The following GABRR2 variants were observed in gnomAD, a reference collection of about 807,000 sequenced individuals.
The protein encoded by GABRR2 is gamma-aminobutyric acid type A receptor subunit rho2.
A neutral mutation model predicts 47.0 loss-of-function variants in GABRR2; 36 were observed. The observed-to-expected ratio is 0.77, with a 90% CI of 0.59 to 1.01. The LOEUF (loss-of-function observed/expected upper bound fraction) is 1.01. Ranked by LOEUF, GABRR2 falls within the 50% of genes least tolerant of loss-of-function variation. The probability of loss-of-function intolerance (pLI) is 0.00; values close to 1 mark genes in which losing one functional copy is unlikely to be tolerated. For synonymous variants in GABRR2, 204 were observed against 227.5 expected (o/e 0.90, Z 0.93); for missense variants, 587 against 594.6 (o/e 0.99, Z 0.13).
At chr6:89,296,490 A>G (rs1302029395) in intron 2 of GABRR2, among the ~76,000 whole-genome samples, 1 of 152,328 alleles carries the variant, frequency 6.6e-6, no homozygotes, top group African/African-American at 2.4e-5. Context: ...GGAGGCTTGG[A>G]AGGAAGGAGG....
chr6:89,289,318 C>T (rs1774395252), intron 2 of GABRR2, among the ~76,000 whole-genome samples: 1 of 152,220 alleles, frequency 6.6e-6, no homozygotes, highest in East Asian at 1.9e-4. Context: ...ACAAGGGAAG[C>T]CTTGAAGCTT....
intron 2 of GABRR2, among the ~76,000 whole-genome samples, chr6:89,280,968 ATGAAT>A (rs1158754476): frequency 6.6e-6 from 1 of 152,272 alleles, no homozygotes. Flanking sequence ...AACTTGTGAA[ATGAAT>A]TGAAGCAAAA....
At chr6:89,281,244 G>A (rs542376380) in intron 2 of GABRR2, among the ~76,000 whole-genome samples, 4 of 152,180 alleles carry the variant, frequency 2.6e-5, no homozygotes, top group African/African-American at 4.8e-5. Context: ...CTTAAAATCC[G>A]TGGAGAGGAG....
intron 2 of GABRR2, 68 bp downstream of exon 2, chr6:89,299,691 C>A: frequency 9.7e-7 from 1 of 1,027,896 alleles, no homozygotes; most frequent in Non-Finnish European, 1.5e-6. Context: ...CAGAGGGAGC[C>A]AGAGAGGGCA....
intron 8 of GABRR2, among the ~76,000 whole-genome samples, chr6:89,263,150 G>A (rs776554594): frequency 2.0e-5 from 3 of 152,012 alleles, no homozygotes; most frequent in African/African-American, 2.4e-5. Flanking sequence ...CTTCTCTTTC[G>A]TCCTCCTCCT....
chr6:89,264,642 G>T lies in GABRR2; in HGVS notation c.890-34C>A, dbSNP rs2127828334. On this transcript the variant is annotated intron_variant, in intron 7 of 8. Coordinates refer to ENST00000402938, the MANE Select transcript of GABRR2 (RefSeq NM_002043.5). ...CCCGGCCTTAGTTGGGCTGCTGACA[G>T]CGGTCTAGAACTGCCCTCATATCTC... is the stretch of plus-strand genomic sequence containing the variant. 3 of 1,611,200 alleles carry T rather than the reference G, an allele frequency of 1.9e-6. No individual in the cohort carries two copies. The East Asian group carries it at 6.7e-5, about 36-fold the overall frequency.
chr6:89,306,819 G>A (rs1471456710), intron 1 of GABRR2, among the ~76,000 whole-genome samples: 1 of 151,820 alleles, frequency 6.6e-6, no homozygotes. Flanking sequence ...GAAGGAAAGA[G>A]AAAAAAAGAA....
chr6:89,291,071 C>G (rs1026800327), intron 2 of GABRR2, among the ~76,000 whole-genome samples: 1 of 152,150 alleles, frequency 6.6e-6, no homozygotes, highest in African/African-American at 2.4e-5. Context: ...TTCCTCATTG[C>G]TTTTTCTCAG....
At chr6:89,314,106 A>C (rs966641558) in intron 1 of GABRR2, among the ~76,000 whole-genome samples, 1 of 151,734 alleles carries the variant, frequency 6.6e-6, no homozygotes, top group African/African-American at 2.4e-5. Flanking sequence ...ATTTGTAAGT[A>C]AATATGCATG....
chr6:89,310,602 A>G (rs533747896), intron 1 of GABRR2, among the ~76,000 whole-genome samples: 3 of 152,124 alleles, frequency 2.0e-5, no homozygotes, highest in Non-Finnish European at 4.4e-5. Context: ...CAACCTTTAT[A>G]TCTGATTCCT....
chr6:89,276,040 A>G (rs1016930015), intron 2 of GABRR2, among the ~76,000 whole-genome samples: 1 of 148,444 alleles, frequency 6.7e-6, no homozygotes, highest in African/African-American at 2.4e-5. Flanking sequence ...TTCTATTAAA[A>G]TATTATAAAT....
intron 1 of GABRR2, chr6:89,302,259 A>G (rs895002922): frequency 4.6e-5 from 26 of 569,140 alleles, no homozygotes; most frequent in Middle Eastern, 3.3e-4. Flanking sequence ...GAGTATCCCA[A>G]CTGCATCATG....
At chr6:89,299,651 A>G (rs1369189907) in intron 2 of GABRR2, 108 bp downstream of exon 2, 1 of 706,384 alleles carries the variant, frequency 1.4e-6, no homozygotes, top group Non-Finnish European at 2.5e-6. Context: ...TGTGAGTGGG[A>G]AAATTGCACC....
At chr6:89,261,952 CA>C (rs1424103234) in intron 8 of GABRR2, among the ~76,000 whole-genome samples, 11 of 150,850 alleles carry the variant, frequency 7.3e-5, no homozygotes, top group Non-Finnish European at 1.3e-4. Context: ...AGTGGGAGGA[CA>C]GCATGAGCCC....
At chr6:89,261,929 C>T (rs578080972) in intron 8 of GABRR2, among the ~76,000 whole-genome samples, 70 of 151,828 alleles carry the variant, frequency 4.6e-4, no homozygotes, top group African/African-American at 1.6e-3. Flanking sequence ...GTCCCAGCTA[C>T]TTGGGAGGCT....
chr6:89,289,473 G>A (rs1294519630), intron 2 of GABRR2, among the ~76,000 whole-genome samples: 1 of 152,226 alleles, frequency 6.6e-6, no homozygotes, highest in African/African-American at 2.4e-5. Context: ...ACTTCCTAAA[G>A]AGAGAATTTA....
rs573199484 is a variant in GABRR2, at chr6:89,279,602, C to T, written c.221-7880G>A. Among the ~76,000 whole-genome samples, 3 of 151,444 alleles carry T rather than the reference C, an allele frequency of 2.0e-5. No homozygotes were observed. The South Asian group carries it at 6.3e-4, about 32-fold the overall frequency. ...GCTCACTATAACCTGGAACTCCTGG[C>T]CTTAAGGGATCCTCCCTCCTCAGGC... On this transcript the variant is annotated intron_variant, in intron 2 of 8. Coordinates refer to ENST00000402938, the MANE Select transcript of GABRR2 (RefSeq NM_002043.5).
At chr6:89,283,838 T>C (rs1426330995) in intron 2 of GABRR2, among the ~76,000 whole-genome samples, 1 of 152,174 alleles carries the variant, frequency 6.6e-6, no homozygotes, top group African/African-American at 2.4e-5. Flanking sequence ...TTAGAGTCTA[T>C]TGAAGGGCAT....
At chr6:89,268,138 A>C (rs1415672237) in intron 4 of GABRR2, 42 bp from the exon 5 acceptor site, 3 of 1,460,874 alleles carry the variant, frequency 2.1e-6, no homozygotes, top group Non-Finnish European at 2.8e-6. Context: ...GCGGTGAATT[A>C]TTGGCTCCTA....
Sources: allele counts gnomAD v4.1 joint callset (sites outside exome capture counted in the v4.1 genomes callset), GRCh38; gene constraint gnomAD v4.1.1; transcripts MANE v1.5; gene names NCBI Gene and HGNC (gene_info 2026-07-23, HGNC 2026-07-21).